FHIP1A: variants seen among roughly 807,000 people sequenced by gnomAD.
FHIP1A encodes the protein FHF complex subunit HOOK interacting protein 1A.
In FHIP1A, 61 loss-of-function variants were observed where a neutral mutation model predicts 88.6. The observed-to-expected ratio is 0.69, with a 90% CI of 0.56 to 0.85. The LOEUF (loss-of-function observed/expected upper bound fraction) is 0.85. Among genes scored for constraint, FHIP1A ranks in the 40% least tolerant of loss-of-function variants. The probability of loss-of-function intolerance (pLI) is 0.00; values close to 1 mark genes in which losing one functional copy is unlikely to be tolerated. For missense variants in FHIP1A, 1,154 were observed against 1,273.5 expected (o/e 0.91, Z 1.43); for synonymous variants, 478 against 496.0 (o/e 0.96, Z 0.48).
chr4:151,531,476 A>G (rs1388495014), intron 3 of FHIP1A, among the ~76,000 whole-genome samples: 1 of 148,216 alleles, frequency 6.7e-6, no homozygotes, highest in African/African-American at 2.5e-5. Context: ...TTTTTGTAGA[A>G]TCCCTGTACC....
intron 7 of FHIP1A, among the ~76,000 whole-genome samples, chr4:151,610,439 C>T (rs375634847): frequency 1.3e-5 from 2 of 152,100 alleles, no homozygotes; most frequent in South Asian, 4.1e-4. Context: ...GGCATATTGC[C>T]AGGAGGAAAC....
At chr4:151,440,710 A>G (rs1231003731) in intron 1 of FHIP1A, among the ~76,000 whole-genome samples, 1 of 152,144 alleles carries the variant, frequency 6.6e-6, no homozygotes, top group Non-Finnish European at 1.5e-5. Flanking sequence ...ACTGGGGGTA[A>G]CTGGCCAACT....
rs1452737989 is a variant in FHIP1A at position 151,629,737 on chromosome 4, T to C, written c.1014T>C (p.Tyr338=). ...AAGAGGTCATGACCACAACTGCATA[T>C]CTGGACCTTTTCCTGCGTAGCATCT... is the stretch of plus-strand genomic sequence containing the variant. ...TVEEVMTTTA[Y]LDLFLRSISE... is the part of the protein sequence containing the mutation. The change falls in exon 8 of 14, where the codon TAT becomes TAC. Residue 338 remains tyrosine (Y), a synonymous_variant. Transcript: ENST00000435205. 1.9e-6 allele frequency: 3 copies of C among 1,551,250 alleles called. No homozygotes were observed. Among genetic ancestry groups the C allele is most frequent in the African/African-American group, 2.7e-5 (2 of 73,020 alleles).
chr4:151,640,488 C>T (rs964534811), intron 9 of FHIP1A, among the ~76,000 whole-genome samples: 1 of 152,298 alleles, frequency 6.6e-6, no homozygotes, highest in South Asian at 2.1e-4. Context: ...GTTAGCTCCT[C>T]ATCAAGCCTC....
intron 3 of FHIP1A, among the ~76,000 whole-genome samples, chr4:151,518,279 G>C (rs961984071): frequency 6.6e-6 from 1 of 152,070 alleles, no homozygotes; most frequent in African/African-American, 2.4e-5. Context: ...CTACCATGCT[G>C]TACAGGTTTG....
rs1737685674 is a variant in FHIP1A at position 151,666,895 on chromosome 4, G to C, written c.*4141G>C. ...TTTGGTAAACTGTCTTTATCTGGCT[G>C]CACCCCCTTTTAAGTAAGCCCTTAA... On this transcript the variant is annotated 3_prime_UTR_variant, in exon 14 of 14. Coordinates refer to ENST00000435205, the MANE Select transcript of FHIP1A (RefSeq NM_001109977.3). 6.6e-6 allele frequency among the ~76,000 whole-genome samples: 1 copy of C among 152,174 alleles called. No individual in the cohort carries two copies. The highest frequency in any genetic ancestry group is 2.4e-5 in the African/African-American group (1 of 41,428).
At chr4:151,529,943 G>A (rs6535805) in intron 3 of FHIP1A, among the ~76,000 whole-genome samples, 18,894 of 152,074 alleles carry the variant, frequency 0.12, 1,291 homozygotes, top group African/African-American at 0.17. Context: ...AACAGTACTG[G>A]CCCTTTCTTA....
intron 9 of FHIP1A, among the ~76,000 whole-genome samples, chr4:151,640,967 G>A (rs534475679): frequency 2.6e-5 from 4 of 152,080 alleles, no homozygotes; most frequent in East Asian, 1.9e-4. Flanking sequence ...GTTCAAGTCA[G>A]GGATAGTCAT....
At chr4:151,633,205 G>A (rs1218227037) in intron 8 of FHIP1A, among the ~76,000 whole-genome samples, 2 of 151,836 alleles carry the variant, frequency 1.3e-5, no homozygotes, top group African/African-American at 4.8e-5. Flanking sequence ...GGATGACCTA[G>A]AGGACCTAGA....
chr4:151,621,711 G>A (rs1396450088), intron 7 of FHIP1A, among the ~76,000 whole-genome samples: 1 of 151,942 alleles, frequency 6.6e-6, no homozygotes, highest in Non-Finnish European at 1.5e-5. Context: ...TCTACTGTGG[G>A]TTTTAAAGTC....
At chr4:151,564,580 G>A (rs1201565927) in intron 3 of FHIP1A, among the ~76,000 whole-genome samples, 3 of 152,168 alleles carry the variant, frequency 2.0e-5, no homozygotes, top group Admixed American at 2.0e-4. Flanking sequence ...CCCAATAGTA[G>A]CAAAGGACTA....
chr4:151,499,100 G>A (rs1235458972), intron 3 of FHIP1A, among the ~76,000 whole-genome samples: 4 of 152,224 alleles, frequency 2.6e-5, no homozygotes, highest in African/African-American at 9.6e-5. Flanking sequence ...GTCTGAAAAT[G>A]TGTATCTATA....
At chr4:151,494,010 A>G (rs959472840) in intron 3 of FHIP1A, among the ~76,000 whole-genome samples, 4 of 152,238 alleles carry the variant, frequency 2.6e-5, no homozygotes, top group Admixed American at 2.0e-4. Flanking sequence ...AGGGCATCCA[A>G]ATTGGTAAAG....
intron 7 of FHIP1A, among the ~76,000 whole-genome samples, chr4:151,610,732 C>G (rs1735290075): frequency 6.6e-6 from 1 of 152,110 alleles, no homozygotes; most frequent in Non-Finnish European, 1.5e-5. Context: ...TCTCATCCTC[C>G]AATGTCCAGA....
chr4:151,595,589 T>G (rs1446183309), intron 7 of FHIP1A, among the ~76,000 whole-genome samples: 2 of 152,194 alleles, frequency 1.3e-5, no homozygotes, highest in African/African-American at 4.8e-5. Context: ...TTGTTAATTT[T>G]CTGTCTCATT....
chr4:151,573,295 TAC>T lies in FHIP1A; in HGVS notation c.106-4143_106-4142del, dbSNP rs937827247. On this transcript the variant is annotated intron_variant, in intron 4 of 13. Coordinates refer to ENST00000435205, the MANE Select transcript of FHIP1A (RefSeq NM_001109977.3). ...AAACACACACACACACACACACACA[TAC>T]ACACACACACATGTCTGCGTTTCTT... Among the ~76,000 whole-genome samples the T allele has an allele frequency of 2.9e-3, 423 of 147,710 alleles. 2 individuals are homozygous for T. Among genetic ancestry groups the T allele is most frequent in the African/African-American group, 0.011 (409 of 38,484 alleles).
At chr4:151,576,995 T>C (rs1733814797) in intron 4 of FHIP1A, 1 of 153,592 alleles carries the variant, frequency 6.5e-6, no homozygotes. Flanking sequence ...ATTTAAGAAT[T>C]TGTCACGACT....
chr4:151,501,236 CA>C (rs1580638815), intron 3 of FHIP1A, among the ~76,000 whole-genome samples: 1 of 152,162 alleles, frequency 6.6e-6, no homozygotes, highest in East Asian at 1.9e-4. Context: ...CATTCACAAA[CA>C]AGTATTTGCT....
intron 1 of FHIP1A, among the ~76,000 whole-genome samples, chr4:151,427,852 T>C (rs1733445231): frequency 6.6e-6 from 1 of 152,148 alleles, no homozygotes; most frequent in Non-Finnish European, 1.5e-5. Context: ...GGCGAAGGAA[T>C]AGATCTAAAT....
Sources: allele counts gnomAD v4.1 joint callset (sites outside exome capture counted in the v4.1 genomes callset), GRCh38; gene constraint gnomAD v4.1.1; transcripts MANE v1.5; gene names NCBI Gene and HGNC (gene_info 2026-07-23, HGNC 2026-07-21).